PRH1: variants seen among roughly 807,000 people sequenced by gnomAD.
The protein encoded by PRH1 is proline rich protein HaeIII subfamily 1.
A neutral mutation model predicts 7.9 loss-of-function variants in PRH1; 7 were observed. The observed-to-expected ratio is 0.89, with a 90% CI of 0.50 to 1.67. The LOEUF (loss-of-function observed/expected upper bound fraction) is 1.67, where lower values mean the gene tolerates loss of function less well. Among genes scored for constraint, PRH1 ranks in the 40% most tolerant of loss-of-function variants. The pLI is 0.00. For synonymous variants in PRH1, 45 were observed against 80.8 expected, an observed-to-expected ratio of 0.56 and a Z score of 2.38; for missense variants, 109 against 223.6, an observed-to-expected ratio of 0.49 and a Z score of 3.27.
At chr12:11,017,149 G>A (rs1941333815) in intron 1 of PRH1, among the ~76,000 whole-genome samples, 1 of 152,286 alleles carries the variant, frequency 6.6e-6, no homozygotes, top group South Asian at 2.1e-4. Flanking sequence ...TTACACCCAT[G>A]GGTGGGTCAG....
At chr12:11,040,129 G>C (rs1363054808) in intron 1 of PRH1, among the ~76,000 whole-genome samples, 1 of 152,150 alleles carries the variant, frequency 6.6e-6, no homozygotes, top group Non-Finnish European at 1.5e-5. Context: ...GAAGAGTCTA[G>C]AGTTCTTTGT....
intron 1 of PRH1, among the ~76,000 whole-genome samples, chr12:11,143,237 G>T (rs1946759158): frequency 6.6e-6 from 1 of 152,170 alleles, no homozygotes; most frequent in Non-Finnish European, 1.5e-5. Context: ...CATTTGTTTA[G>T]TGTTTGTGCT....
At chr12:11,171,590 G>C (rs1422628598), upstream of PRH1, 1 of 1,227,850 alleles carries the variant, frequency 8.1e-7, no homozygotes, top group Non-Finnish European at 1.0e-6. Context: ...ACGGCCTCCG[G>C]GGCCAGCATG....
chr12:10,909,571 A>T (rs1473874961), intron 2 of PRH1: 9 of 395,886 alleles, frequency 2.3e-5, no homozygotes, highest in African/African-American at 1.4e-4. Flanking sequence ...GAAATATTTC[A>T]TAGATGATTA....
intron 2 of PRH1, among the ~76,000 whole-genome samples, chr12:10,971,155 C>T (rs1938796856): frequency 6.6e-6 from 1 of 152,202 alleles, no homozygotes; most frequent in African/African-American, 2.4e-5. Flanking sequence ...CCAGACACTC[C>T]CCATATATGC....
At position 11,061,983 on chromosome 12, in the gene PRH1, T is replaced by C. The variant is rs1330058706; in HGVS notation, n.124-14795A>G. The C allele has an allele frequency of 4.3e-6, 7 of 1,613,888 alleles. No homozygotes were observed. Among genetic ancestry groups the C allele is most frequent in the Non-Finnish European group, 5.9e-6 (7 of 1,179,870 alleles). The stretch of plus-strand genomic sequence containing the variant: ...AATTGGCAATCTTGAGCAAATAAAA[T>C]ATGCTGAGGCTAGTAGCAAGCCAGT... On this transcript the variant is annotated intron_variant and non_coding_transcript_variant, in intron 1 of 4. Coordinates refer to the PRH1 transcript ENST00000541977.
At chr12:10,907,176 A>G (rs1364538277) in intron 2 of PRH1, among the ~76,000 whole-genome samples, 1 of 152,158 alleles carries the variant, frequency 6.6e-6, no homozygotes, top group African/African-American at 2.4e-5. Flanking sequence ...CACTCTATAG[A>G]ACTCTGGCAG....
intron 2 of PRH1, among the ~76,000 whole-genome samples, chr12:10,898,977 A>G (rs1223722668): frequency 6.6e-6 from 1 of 152,232 alleles, no homozygotes; most frequent in Non-Finnish European, 1.5e-5. Context: ...GGCAGCACAT[A>G]CAGTCAAAAG....
intron 1 of PRH1, among the ~76,000 whole-genome samples, chr12:11,156,246 T>C (rs1161849329): frequency 6.6e-6 from 1 of 152,208 alleles, no homozygotes; most frequent in African/African-American, 2.4e-5. Context: ...ATTCAAACAG[T>C]TGATCCTTTC....
At chr12:11,100,161 G>C (rs1360545565) in intron 1 of PRH1, among the ~76,000 whole-genome samples, 3 of 152,018 alleles carry the variant, frequency 2.0e-5, no homozygotes, top group Non-Finnish European at 4.4e-5. Flanking sequence ...TGCACACTTA[G>C]AAATGAACCA....
At chr12:11,046,306 T>A (rs1456580596) in intron 1 of PRH1, among the ~76,000 whole-genome samples, 3 of 152,028 alleles carry the variant, frequency 2.0e-5, no homozygotes, top group Non-Finnish European at 4.4e-5. Flanking sequence ...ATAACTGAAA[T>A]CTCAATTTAA....
chr12:10,947,820 C>T (rs1591714522), intron 2 of PRH1, among the ~76,000 whole-genome samples: 1 of 152,178 alleles, frequency 6.6e-6, no homozygotes, highest in African/African-American at 2.4e-5. Context: ...TAAGGCAGTT[C>T]TGGTGATAAT....
chr12:10,969,470 G>C (rs966720995), intron 2 of PRH1, among the ~76,000 whole-genome samples: 2 of 152,084 alleles, frequency 1.3e-5, no homozygotes, highest in African/African-American at 2.4e-5. Flanking sequence ...TTTCTGTCTA[G>C]AATTTCCCAG....
intron 1 of PRH1, among the ~76,000 whole-genome samples, chr12:11,086,514 T>A (rs1211081356): frequency 6.8e-6 from 1 of 147,636 alleles, no homozygotes; most frequent in Non-Finnish European, 1.5e-5. Flanking sequence ...GAGGGGATCT[T>A]GAAGTCAGAC....
chr12:11,018,502 T>C (rs1315440515), intron 1 of PRH1, among the ~76,000 whole-genome samples: 2 of 143,584 alleles, frequency 1.4e-5, no homozygotes, highest in Non-Finnish European at 3.1e-5. Flanking sequence ...GGGACTTGAA[T>C]GTATCTGTGG....
intron 1 of PRH1, chr12:11,030,240 T>C (rs1942121189): frequency 4.5e-6 from 5 of 1,104,472 alleles, no homozygotes; most frequent in East Asian, 2.7e-5. Context: ...CACACATATA[T>C]ATATTTTTTT....
At chr12:11,170,488 A>C (rs1947795913) in intron 1 of PRH1, among the ~76,000 whole-genome samples, 1 of 152,222 alleles carries the variant, frequency 6.6e-6, no homozygotes, top group African/African-American at 2.4e-5. Context: ...CGGAGCTTGC[A>C]GTGAGCCGAG....
chr12:10,895,576 G>T (rs1379633377), intron 2 of PRH1: 2 of 152,252 alleles, frequency 1.3e-5, no homozygotes, highest in African/African-American at 4.8e-5. Flanking sequence ...AGACACTGAG[G>T]CAAGTGGTAC....
intron 2 of PRH1, among the ~76,000 whole-genome samples, chr12:10,967,584 C>A (rs1384930558): frequency 2.6e-5 from 4 of 152,164 alleles, no homozygotes; most frequent in Non-Finnish European, 4.4e-5. Context: ...CCTTATCCTG[C>A]AAGTTGGAAG....
Sources: gnomAD v4.1 joint callset for allele counts (sites outside exome capture counted in the v4.1 genomes callset) on GRCh38, gnomAD v4.1.1 for gene constraint, MANE v1.5 for transcripts, NCBI Gene and HGNC (gene_info 2026-07-23, HGNC 2026-07-21) for gene names.